The following IGF1R variants were observed in gnomAD, a reference collection of about 807,000 sequenced individuals.
IGF1R encodes the protein insulin like growth factor 1 receptor, also known as insulin-like growth factor 1 receptor.
IGF1R carries 44 observed loss-of-function variants against 144.6 expected under a neutral mutation model. The ratio of observed to expected loss-of-function variants is 0.30; its 90% CI spans 0.24 to 0.39. The LOEUF (loss-of-function observed/expected upper bound fraction) is 0.39, where lower values mean the gene tolerates loss of function less well. IGF1R is among the 10% of genes least tolerant of loss of function. The pLI, the probability that IGF1R is intolerant of heterozygous loss-of-function variation, is 1.00. For missense variants in IGF1R, 1,355 were observed against 1,833.7 expected (o/e 0.74, Z 4.77); for synonymous variants, 795 against 722.8 (o/e 1.10, Z -1.60).
chr15:98,822,675 G>A (rs932411653), intron 2 of IGF1R, among the ~76,000 whole-genome samples: 9 of 152,248 alleles, frequency 5.9e-5, no homozygotes, highest in Admixed American at 2.0e-4. Flanking sequence ...AATCGTGCTC[G>A]AACTCTCCAA....
chr15:98,650,370 G>A (rs372518208), intron 1 of IGF1R, among the ~76,000 whole-genome samples: 4 of 152,200 alleles, frequency 2.6e-5, no homozygotes, highest in Admixed American at 1.3e-4. Flanking sequence ...CCCGGGGCTG[G>A]GCGGTGGGGT....
chr15:98,910,199 C>T (rs959858143), intron 6 of IGF1R, among the ~76,000 whole-genome samples: 1 of 152,134 alleles, frequency 6.6e-6, no homozygotes, highest in Non-Finnish European at 1.5e-5. Context: ...CCGCCTCCCG[C>T]CCCCTGCTCA....
chr15:98,888,871 A>G (rs1049393175), intron 2 of IGF1R, among the ~76,000 whole-genome samples: 20 of 152,236 alleles, frequency 1.3e-4, no homozygotes, highest in African/African-American at 4.8e-4. Context: ...CCCCACTCTC[A>G]TAAGGGACTA....
intron 2 of IGF1R, among the ~76,000 whole-genome samples, chr15:98,726,404 TGAA>T (rs998626826): frequency 2.0e-5 from 3 of 152,218 alleles, no homozygotes; most frequent in African/African-American, 7.2e-5. Context: ...GATGAGTTCT[TGAA>T]GATGTCTTGC....
chr15:98,904,486 TGCTGAACCCCTAA>T (rs1200795434), intron 5 of IGF1R, among the ~76,000 whole-genome samples: 3 of 152,232 alleles, frequency 2.0e-5, no homozygotes, highest in Non-Finnish European at 4.4e-5. Context: ...TATCCACCCT[TGCTGAACCCCTAA>T]GGTTGATGTA....
chr15:98,677,645 C>T (rs2053082199), intron 1 of IGF1R, among the ~76,000 whole-genome samples: 1 of 152,180 alleles, frequency 6.6e-6, no homozygotes, highest in Non-Finnish European at 1.5e-5. Context: ...CATCCTTAGC[C>T]TGTGGCTTTT....
rs1181095733 is a variant in IGF1R, at chr15:98,852,220, G to A, written c.641-39105G>A. Reference sequence around the variant, plus strand: ...AGCAGTTCTGGCGCAGGGGCTCCGGGGGACGCCCGCTCCGCCGGCTGTGGT... The same window carrying A: ...AGCAGTTCTGGCGCAGGGGCTCCGGAGGACGCCCGCTCCGCCGGCTGTGGT... On this transcript the variant is annotated intron_variant, in intron 2 of 20. Transcript: ENST00000650285. Among the ~76,000 whole-genome samples, 5 of 152,292 alleles carry A rather than the reference G, an allele frequency of 3.3e-5. No homozygotes were observed. In the East Asian group the frequency reaches 9.7e-4, roughly 29 times the overall value.
At chr15:98,796,875 G>GTTCACACTGGATGTGTTCGAAGGCTCT (rs2056255108) in intron 2 of IGF1R, among the ~76,000 whole-genome samples, 1 of 152,228 alleles carries the variant, frequency 6.6e-6, no homozygotes, top group Non-Finnish European at 1.5e-5. Flanking sequence ...CTGAATGCAT[G>GTTCACACTGGATGTGTTCGAAGGCTCT]TTCACACTGG....
In IGF1R at chr15:98,891,556, G is replaced by A; in HGVS notation, c.872G>A (p.Ser291Asn). ...GCCAACATCCTCAGCGCCGAGAGCA[G>A]CGACTCCGAGGGGTTTGTGATCCAC... Reference protein sequence around the residue: ...FCANILSAESSDSEGFVIHDG... With the variant: ...FCANILSAESNDSEGFVIHDG... The change falls in exon 3 of 21, where the codon AGC becomes AAC. Residue 291 changes from serine (S) to asparagine (N), a missense_variant. Physicochemically the swap from Ser to Asn is conservative, Grantham distance 46. Transcript: ENST00000650285. The surrounding 1 kb of genome is among the most constrained non-coding windows in gnomAD (Gnocchi z 4.7). 6.2e-7 allele frequency: 1 copy of A among 1,610,026 alleles called. No individual in the cohort carries two copies. The highest frequency in any genetic ancestry group is 8.5e-7 in the Non-Finnish European group (1 of 1,180,004).
At chr15:98,742,183 C>T (rs1485152155) in intron 2 of IGF1R, among the ~76,000 whole-genome samples, 1 of 152,192 alleles carries the variant, frequency 6.6e-6, no homozygotes, top group African/African-American at 2.4e-5. Context: ...AGATCTTATT[C>T]CGGAGGAGTG....
chr15:98,736,061 C>T (rs1186174881), intron 2 of IGF1R, among the ~76,000 whole-genome samples: 1 of 152,154 alleles, frequency 6.6e-6, no homozygotes, highest in Non-Finnish European at 1.5e-5. Flanking sequence ...GCATCCATTT[C>T]ATTGATGTAT....
At chr15:98,756,597 A>G (rs576159518) in intron 2 of IGF1R, among the ~76,000 whole-genome samples, 14 of 152,202 alleles carry the variant, frequency 9.2e-5, no homozygotes, top group African/African-American at 3.1e-4. Context: ...GTCTTCAAAA[A>G]ACTAGGTATA....
chr15:98,914,510 T>C (rs898722477), intron 8 of IGF1R, among the ~76,000 whole-genome samples: 4 of 152,184 alleles, frequency 2.6e-5, no homozygotes, highest in Non-Finnish European at 5.9e-5. Flanking sequence ...TGTCACTGGG[T>C]AAAGTGCTTA....
intron 15 of IGF1R, 54 bp downstream of exon 15, chr15:98,930,359 C>A: frequency 7.7e-7 from 1 of 1,303,490 alleles, no homozygotes; most frequent in Non-Finnish European, 1.1e-6. Flanking sequence ...AGATCGGGAG[C>A]TTTCAGGAGG....
At chr15:98,756,059 T>A (rs1382334555) in intron 2 of IGF1R, among the ~76,000 whole-genome samples, 1 of 152,150 alleles carries the variant, frequency 6.6e-6, no homozygotes, top group Non-Finnish European at 1.5e-5. Context: ...TGTTGCTATT[T>A]GATTTGCTAA....
At chr15:98,745,400 G>A (rs1298448870) in intron 2 of IGF1R, among the ~76,000 whole-genome samples, 1 of 152,236 alleles carries the variant, frequency 6.6e-6, no homozygotes, top group African/African-American at 2.4e-5. Flanking sequence ...TTACAGGTGA[G>A]GAAGCTGGGT....
At chr15:98,661,089 T>C (rs989524263) in intron 1 of IGF1R, among the ~76,000 whole-genome samples, 1 of 69,442 alleles carries the variant, frequency 1.4e-5, no homozygotes, top group Non-Finnish European at 4.0e-5. Context: ...GAGAGAGAGA[T>C]GGAGATTTGA....
At chr15:98,904,849 T>C (rs535475120) in intron 5 of IGF1R, among the ~76,000 whole-genome samples, 9 of 152,230 alleles carry the variant, frequency 5.9e-5, no homozygotes, top group Non-Finnish European at 1.2e-4. Context: ...CACAGGACCT[T>C]CCTGTTCTGA....
intron 1 of IGF1R, among the ~76,000 whole-genome samples, chr15:98,705,578 T>G (rs1261510369): frequency 3.3e-5 from 5 of 152,242 alleles, no homozygotes; most frequent in Non-Finnish European, 7.3e-5. Flanking sequence ...AAGAATTAGA[T>G]GATATGAAGT....
Sources: gnomAD v4.1 joint callset for allele counts (sites outside exome capture counted in the v4.1 genomes callset) on GRCh38, gnomAD v4.1.1 for gene constraint, Gnocchi (gnomAD v3.1) non-coding constraint, MANE v1.5 for transcripts, NCBI Gene and HGNC (gene_info 2026-07-23, HGNC 2026-07-21) for gene names.